Variants in GRM7 observed in about 807,000 individuals in gnomAD.
GRM7 encodes the protein metabotropic glutamate receptor 7.
GRM7 carries 35 observed loss-of-function variants against 84.5 expected under a neutral mutation model. The ratio of observed to expected loss-of-function variants is 0.41; its 90% CI spans 0.32 to 0.55. The LOEUF (loss-of-function observed/expected upper bound fraction) is 0.55. GRM7 is among the 20% of genes least tolerant of loss of function. GRM7 has a pLI of 0.19. For missense variants in GRM7, 1,003 were observed against 1,194.6 expected (o/e 0.84, Z 2.36); for synonymous variants, 487 against 455.1 (o/e 1.07, Z -0.89).
chr3:7,659,662 G>A (rs1236183307), intron 8 of GRM7, among the ~76,000 whole-genome samples: 1 of 152,212 alleles, frequency 6.6e-6, no homozygotes. Flanking sequence ...TTGAAGGCCT[G>A]TAAACAGATT....
chr3:6,919,814 G>T (rs572124890), intron 1 of GRM7, among the ~76,000 whole-genome samples: 1 of 152,156 alleles, frequency 6.6e-6, no homozygotes, highest in Non-Finnish European at 1.5e-5. Context: ...ATTAGGATTT[G>T]ACTAAAACAT....
chr3:7,100,624 ACTTTT>A (rs1193225120), intron 1 of GRM7, among the ~76,000 whole-genome samples: 1 of 151,762 alleles, frequency 6.6e-6, no homozygotes, highest in Non-Finnish European at 1.5e-5. Flanking sequence ...TGGAAATGCG[ACTTTT>A]CTTAACTGAA....
At chr3:6,929,749 T>C (rs1029177317) in intron 1 of GRM7, among the ~76,000 whole-genome samples, 3 of 152,260 alleles carry the variant, frequency 2.0e-5, no homozygotes, top group Admixed American at 2.0e-4. Context: ...TATCAGAACA[T>C]TAAAAATTGA....
chr3:7,448,678 C>T lies in GRM7; in HGVS notation c.1175-3929C>T, dbSNP rs574646288. Among the ~76,000 whole-genome samples the T allele has an allele frequency of 3.2e-4, 49 of 152,174 alleles. 1 individual carries two copies. The South Asian group carries it at 0.01, about 32-fold the overall frequency. On this transcript the variant is annotated intron_variant, in intron 5 of 9. Transcript: ENST00000357716. ...TGATATAAGGCTACATTTTCAAGTC[C>T]TATTAGCTCCAAAGACAAATTTAAT...
chr3:7,022,731 G>T (rs1276373571), intron 1 of GRM7, among the ~76,000 whole-genome samples: 1 of 152,034 alleles, frequency 6.6e-6, no homozygotes, highest in African/African-American at 2.4e-5. Flanking sequence ...GCCCTTGAGG[G>T]TTCTCTTATA....
intron 7 of GRM7, among the ~76,000 whole-genome samples, chr3:7,504,093 G>GA (rs35005223): frequency 1.3e-5 from 2 of 151,980 alleles, no homozygotes; most frequent in African/African-American, 2.4e-5. Context: ...TCAAATGTAT[G>GA]AAAAAAAGTT....
chr3:7,059,778 C>G (rs1230869105), intron 1 of GRM7, among the ~76,000 whole-genome samples: 1 of 151,626 alleles, frequency 6.6e-6, no homozygotes, highest in Non-Finnish European at 1.5e-5. Context: ...GTTACCTAAC[C>G]CCTTCTGCCA....
At position 7,211,425 on chromosome 3, in the gene GRM7, A is replaced by G. The variant is rs1039224814; in HGVS notation, c.736+64757A>G. 7.9e-5 allele frequency among the ~76,000 whole-genome samples: 12 copies of G among 152,248 alleles called. No individual in the cohort carries two copies. In the South Asian group the frequency reaches 8.3e-4, roughly 11 times the overall value. On this transcript the variant is annotated intron_variant, in intron 2 of 9. Transcript: ENST00000357716. The stretch of plus-strand genomic sequence containing the variant: ...GAAAGAGAGCCAGACAATGATAAAC[A>G]TCGGATTTGTTGATGGATCATCTAG...
intron 1 of GRM7, among the ~76,000 whole-genome samples, chr3:6,882,642 G>A (rs971127556): frequency 6.6e-6 from 1 of 151,818 alleles, no homozygotes; most frequent in African/African-American, 2.4e-5. Flanking sequence ...TTTGTTTGTG[G>A]GGGTACACAC....
intron 8 of GRM7, among the ~76,000 whole-genome samples, chr3:7,606,133 CATTA>C (rs1211928737): frequency 6.6e-6 from 1 of 152,136 alleles, no homozygotes; most frequent in Non-Finnish European, 1.5e-5. Context: ...TGAATATTTA[CATTA>C]ATTAATATTC....
chr3:7,265,828 C>T (rs887557231), intron 2 of GRM7, among the ~76,000 whole-genome samples: 1 of 152,184 alleles, frequency 6.6e-6, no homozygotes, highest in East Asian at 1.9e-4. Flanking sequence ...TCTTCTTTTT[C>T]AGTTTCCACA....
At chr3:7,559,960 C>G (rs1430885564) in intron 7 of GRM7, among the ~76,000 whole-genome samples, 5 of 152,024 alleles carry the variant, frequency 3.3e-5, no homozygotes, top group African/African-American at 1.2e-4. Flanking sequence ...TGGATTAGGG[C>G]CCCACCTGTA....
chr3:7,265,584 T>C (rs765421806), intron 2 of GRM7, among the ~76,000 whole-genome samples: 3 of 152,132 alleles, frequency 2.0e-5, no homozygotes, highest in African/African-American at 4.8e-5. Context: ...TAAAATTTCA[T>C]CCACAAAAAT....
chr3:7,286,773 G>A (rs1332325803), intron 2 of GRM7, among the ~76,000 whole-genome samples: 1 of 152,034 alleles, frequency 6.6e-6, no homozygotes, highest in African/African-American at 2.4e-5. Context: ...TTTATATTGA[G>A]GTCATTAAAG....
Position 7,146,484 on chromosome 3 carries a change from C to T in GRM7, c.552C>T (p.Pro184=), listed in dbSNP as rs139429824. 8 of 1,613,700 alleles carry T rather than the reference C, an allele frequency of 5.0e-6. No individual in the cohort carries two copies. The highest frequency in any genetic ancestry group is 4.5e-5 in the East Asian group (2 of 44,864). ...AGATTAGTTATGCATCAACGGCACC[C>T]GAGCTAAGTGATGACCGGCGCTATG... is the stretch of plus-strand genomic sequence containing the variant. ...IPQISYASTA[P]ELSDDRRYDF... is the part of the protein sequence containing the mutation. The change falls in exon 2 of 10, where the codon CCC becomes CCT. Residue 184 remains proline, a synonymous_variant. Coordinates refer to ENST00000357716, the MANE Select transcript of GRM7 (RefSeq NM_000844.4).
chr3:6,876,735 G>A (rs937559379), intron 1 of GRM7, among the ~76,000 whole-genome samples: 6 of 151,524 alleles, frequency 4.0e-5, no homozygotes, highest in Admixed American at 3.3e-4. Context: ...TGGAGAAGCT[G>A]GGATTATAGG....
intron 1 of GRM7, among the ~76,000 whole-genome samples, chr3:6,876,104 C>T (rs1211790250): frequency 1.3e-5 from 2 of 152,002 alleles, no homozygotes; most frequent in Non-Finnish European, 2.9e-5. Context: ...CCCATCTCTA[C>T]CAAAAATATA....
chr3:7,176,061 C>T (rs1695135052), intron 2 of GRM7, among the ~76,000 whole-genome samples: 1 of 151,556 alleles, frequency 6.6e-6, no homozygotes, highest in African/African-American at 2.4e-5. Flanking sequence ...TTATCCAGTT[C>T]AAAATAATAC....
intron 2 of GRM7, among the ~76,000 whole-genome samples, chr3:7,253,942 G>T (rs1270057588): frequency 6.6e-6 from 1 of 152,212 alleles, no homozygotes; most frequent in Non-Finnish European, 1.5e-5. Context: ...AAGGAGCACA[G>T]CTTTGAGTAT....
Sources: allele counts gnomAD v4.1 joint callset (sites outside exome capture counted in the v4.1 genomes callset), GRCh38; gene constraint gnomAD v4.1.1; transcripts MANE v1.5; gene names NCBI Gene and HGNC (gene_info 2026-07-23, HGNC 2026-07-21).